Variants in TRHDE observed in about 807,000 individuals in gnomAD.
The protein encoded by TRHDE is thyrotropin-releasing hormone-degrading ectoenzyme.
Under a neutral mutation model 125.7 loss-of-function variants are expected in TRHDE, and 72 were observed. The observed-to-expected ratio is 0.57, with a 90% CI of 0.47 to 0.70. TRHDE has a LOEUF of 0.70. TRHDE is among the 30% of genes least tolerant of loss of function. TRHDE has a pLI of 0.00. For missense variants in TRHDE, 1,110 were observed against 1,327.1 expected, an observed-to-expected ratio of 0.84 and a Z score of 2.54; for synonymous variants, 509 against 509.1, an observed-to-expected ratio of 1.00 and a Z score of 0.00.
chr12:72,266,613 G>A (rs1223808583), intron 2 of TRHDE, among the ~76,000 whole-genome samples: 2 of 151,350 alleles, frequency 1.3e-5, no homozygotes, highest in Non-Finnish European at 2.9e-5. Flanking sequence ...GGAGAGTATA[G>A]ACCAGGCATG....
chr12:72,516,006 T>C (rs1335200887), intron 6 of TRHDE, among the ~76,000 whole-genome samples: 1 of 149,526 alleles, frequency 6.7e-6, no homozygotes, highest in East Asian at 2.0e-4. Flanking sequence ...TCTATATCTC[T>C]GTTTTGGTAC....
intron 3 of TRHDE, among the ~76,000 whole-genome samples, chr12:72,448,361 T>G (rs1027648295): frequency 6.6e-6 from 1 of 152,118 alleles, no homozygotes; most frequent in Non-Finnish European, 1.5e-5. Flanking sequence ...AAGGCTCTAT[T>G]TAGTTTAACA....
intron 2 of TRHDE, among the ~76,000 whole-genome samples, chr12:72,157,521 A>G (rs900636529): frequency 1.3e-5 from 2 of 152,218 alleles, no homozygotes; most frequent in Non-Finnish European, 2.9e-5. Flanking sequence ...GGTTCCAAGT[A>G]TACTTAAAAG....
chr12:72,231,496 T>C (rs1244010702), intron 2 of TRHDE, among the ~76,000 whole-genome samples: 1 of 152,158 alleles, frequency 6.6e-6, no homozygotes, highest in Non-Finnish European at 1.5e-5. Context: ...GACTTTGGAG[T>C]GGCCCATGAG....
intron 12 of TRHDE, among the ~76,000 whole-genome samples, chr12:72,576,462 G>A (rs1305338474): frequency 6.6e-6 from 1 of 151,928 alleles, no homozygotes; most frequent in African/African-American, 2.4e-5. Context: ...ATGTTAAAAA[G>A]CATATTACAC....
chr12:72,417,217 G>T (rs1873768396), intron 3 of TRHDE, among the ~76,000 whole-genome samples: 1 of 151,734 alleles, frequency 6.6e-6, no homozygotes, highest in South Asian at 2.1e-4. Flanking sequence ...GTTGATTTTG[G>T]GTCCTGGACT....
intron 3 of TRHDE, among the ~76,000 whole-genome samples, chr12:72,416,046 T>C (rs1873717460): frequency 1.3e-5 from 2 of 152,058 alleles, no homozygotes; most frequent in South Asian, 2.1e-4. Context: ...CCAGCATTTG[T>C]TATTGCCTGT....
rs73330603 is a variant in TRHDE, at chr12:72,668,936, T to C, written c.*5741T>C. ...ATTTGAATAGGTACTTAGCACACTT[T>C]ATCATTGTCACTGGCTCTTTCGAAA... is the stretch of plus-strand genomic sequence containing the variant. On this transcript the variant is annotated 3_prime_UTR_variant, in exon 19 of 19. Transcript: ENST00000261180. 361 of 151,912 alleles carry C rather than the reference T, an allele frequency of 2.4e-3. 3 individuals are homozygous for C. The highest frequency in any genetic ancestry group is 8.2e-3 in the African/African-American group (340 of 41,528). 9.4% of individuals were successfully genotyped at this position (151,912 alleles called of 1,614,324 possible).
At chr12:72,436,266 G>A (rs1195182453) in intron 3 of TRHDE, among the ~76,000 whole-genome samples, 1 of 151,858 alleles carries the variant, frequency 6.6e-6, no homozygotes, top group Non-Finnish European at 1.5e-5. Flanking sequence ...TGAATTTATA[G>A]ACTTAATTAA....
intron 6 of TRHDE, among the ~76,000 whole-genome samples, chr12:72,515,520 A>T (rs953805387): frequency 6.6e-6 from 1 of 151,924 alleles, no homozygotes; most frequent in Non-Finnish European, 1.5e-5. Flanking sequence ...GTTTGACTTC[A>T]TTGTAGATTC....
chr12:72,249,335 TAAG>T (rs1159183294), intron 2 of TRHDE, among the ~76,000 whole-genome samples: 2 of 152,066 alleles, frequency 1.3e-5, no homozygotes, highest in African/African-American at 4.8e-5. Context: ...AACTCAGTCA[TAAG>T]AAGAGAAACA....
At chr12:72,502,423 A>T (rs1878195084) in intron 6 of TRHDE, among the ~76,000 whole-genome samples, 1 of 152,096 alleles carries the variant, frequency 6.6e-6, no homozygotes, top group African/African-American at 2.4e-5. Context: ...TGTCTTATTC[A>T]GAGTGTATTA....
At chr12:72,104,376 G>A (rs1486526446) in intron 1 of TRHDE, among the ~76,000 whole-genome samples, 1 of 152,026 alleles carries the variant, frequency 6.6e-6, no homozygotes, top group African/African-American at 2.4e-5. Context: ...GAATAGAGAG[G>A]GTAAAGCACA....
intron 3 of TRHDE, among the ~76,000 whole-genome samples, chr12:72,388,290 T>G (rs1592409670): frequency 6.6e-6 from 1 of 152,236 alleles, no homozygotes; most frequent in East Asian, 1.9e-4. Flanking sequence ...CTGATTTACT[T>G]TTCTCCATGG....
At chr12:72,162,067 G>A (rs1418670192) in intron 2 of TRHDE, among the ~76,000 whole-genome samples, 1 of 152,190 alleles carries the variant, frequency 6.6e-6, no homozygotes, top group Non-Finnish European at 1.5e-5. Context: ...CCATAGGACA[G>A]AGAGAAAGTA....
At chr12:72,308,573 T>A (rs973284804) in intron 2 of TRHDE, among the ~76,000 whole-genome samples, 24 of 152,152 alleles carry the variant, frequency 1.6e-4, no homozygotes, top group African/African-American at 5.8e-4. Flanking sequence ...TCTTATCTAT[T>A]CCTGCAGTGT....
intron 12 of TRHDE, among the ~76,000 whole-genome samples, chr12:72,580,355 T>C (rs1871169303): frequency 6.6e-6 from 1 of 152,248 alleles, no homozygotes; most frequent in African/African-American, 2.4e-5. Context: ...AATCAATTAA[T>C]TGCCTTGCAA....
intron 15 of TRHDE, among the ~76,000 whole-genome samples, chr12:72,646,097 GTAAA>G (rs958629109): frequency 3.3e-5 from 5 of 151,972 alleles, no homozygotes; most frequent in African/African-American, 7.2e-5. Flanking sequence ...ATGGTGGTGG[GTAAA>G]TAATTTTTAA....
chr12:72,272,518 G>A lies in TRHDE; in HGVS notation c.-126G>A. 2 of 555,648 alleles carry A rather than the reference G, an allele frequency of 3.6e-6. No individual in the cohort carries two copies. The highest frequency in any genetic ancestry group is 6.0e-5 in the East Asian group (2 of 33,454). 34.4% of individuals were successfully genotyped at this position (555,648 alleles called of 1,614,324 possible). A position where few individuals can be genotyped will look rare whatever the true frequency, so the allele number is the denominator to read the frequency against. On this transcript the variant is annotated 5_prime_UTR_variant, in exon 1 of 19. Coordinates refer to ENST00000261180, the MANE Select transcript of TRHDE (RefSeq NM_013381.3). This position sits in a 1 kb window ranked among gnomAD's most constrained non-coding sequence, Gnocchi z 6.7. ...CCAGAACCCGTCTTAAAAGAACCCGGGCCAGCATCCCCAGTCGCGCGCCCT... is the reference window on the plus strand; with the variant it reads ...CCAGAACCCGTCTTAAAAGAACCCGAGCCAGCATCCCCAGTCGCGCGCCCT...
Sources: gnomAD v4.1 joint callset for allele counts (sites outside exome capture counted in the v4.1 genomes callset) on GRCh38, gnomAD v4.1.1 for gene constraint, Gnocchi (gnomAD v3.1) non-coding constraint, MANE v1.5 for transcripts, NCBI Gene and HGNC (gene_info 2026-07-23, HGNC 2026-07-21) for gene names.